The following GRIK2 variants were observed in gnomAD, a reference collection of about 807,000 sequenced individuals.
GRIK2 encodes glutamate ionotropic receptor kainate type subunit 2, also known as glutamate receptor ionotropic, kainate 2.
In GRIK2, 32 loss-of-function variants were observed where a neutral mutation model predicts 100.3. The observed-to-expected ratio is 0.32, with a 90% CI of 0.24 to 0.43. The LOEUF (loss-of-function observed/expected upper bound fraction) is 0.43. GRIK2 is among the 20% of genes least tolerant of loss of function. GRIK2 has a pLI of 1.00. For missense variants in GRIK2, 843 were observed against 1,114.9 expected (o/e 0.76, Z 3.47); for synonymous variants, 417 against 389.4 (o/e 1.07, Z -0.83).
At chr6:101,920,498 TG>T (rs1467284360) in intron 12 of GRIK2, among the ~76,000 whole-genome samples, 1 of 151,892 alleles carries the variant, frequency 6.6e-6, no homozygotes, top group Non-Finnish European at 1.5e-5. Context: ...CAGTTTTAGC[TG>T]GGCATCAATG....
chr6:101,592,076 C>T (rs1778671737), intron 2 of GRIK2, among the ~76,000 whole-genome samples: 2 of 151,948 alleles, frequency 1.3e-5, no homozygotes, highest in South Asian at 4.1e-4. Context: ...TTCCTACTCC[C>T]TCTTTGCCTT....
intron 2 of GRIK2, among the ~76,000 whole-genome samples, chr6:101,505,501 G>T (rs1039893719): frequency 7.9e-5 from 12 of 151,992 alleles, no homozygotes; most frequent in Non-Finnish European, 1.6e-4. Context: ...AAATATGATT[G>T]GTCCTATTAT....
At chr6:101,927,798 A>T (rs1030699015) in intron 13 of GRIK2, 4 of 152,216 alleles carry the variant, frequency 2.6e-5, no homozygotes, top group African/African-American at 7.2e-5. Flanking sequence ...TGCTAACCAT[A>T]GTGATGGGAG....
At chr6:101,731,564 C>G (rs1775271641) in intron 7 of GRIK2, among the ~76,000 whole-genome samples, 1 of 151,810 alleles carries the variant, frequency 6.6e-6, no homozygotes, top group South Asian at 2.1e-4. Context: ...ATATAAGGCA[C>G]AGAATAGATA....
At chr6:101,626,664 C>G (rs1310669763) in intron 4 of GRIK2, 27 bp downstream of exon 4, 2 of 1,591,820 alleles carry the variant, frequency 1.3e-6, no homozygotes, top group African/African-American at 1.3e-5. Context: ...TCTTTTGGAG[C>G]TATGCTTTAA....
intron 2 of GRIK2, among the ~76,000 whole-genome samples, chr6:101,591,576 A>G (rs554681243): frequency 2.0e-5 from 3 of 152,068 alleles, no homozygotes; most frequent in South Asian, 4.1e-4. Context: ...TATTTAAAAA[A>G]TGTTTTAAGA....
At chr6:102,063,542 G>A (rs1771859023) in intron 16 of GRIK2, among the ~76,000 whole-genome samples, 1 of 150,564 alleles carries the variant, frequency 6.6e-6, no homozygotes, top group Non-Finnish European at 1.5e-5. Context: ...TATCAATGTG[G>A]AGCATGATTT....
chr6:101,478,974 A>G (rs1333941032), intron 2 of GRIK2, among the ~76,000 whole-genome samples: 1 of 152,152 alleles, frequency 6.6e-6, no homozygotes. Flanking sequence ...TGCTGATGGT[A>G]GCTACAAAAC....
At position 101,739,912 on chromosome 6, in the gene GRIK2, A is replaced by AT. The variant is rs111459963; in HGVS notation, c.951+53569dup. 7.4e-3 allele frequency among the ~76,000 whole-genome samples: 1,109 copies of AT among 150,294 alleles called. 17 individuals carry two copies. Among genetic ancestry groups the AT allele is most frequent in the African/African-American group, 0.024 (967 of 40,990 alleles). On this transcript the variant is annotated intron_variant, in intron 7 of 16. Coordinates refer to ENST00000369134, the MANE Select transcript of GRIK2 (RefSeq NM_021956.5). ...TTAAATCTGTGGTTTTGGAGCAGGGATTTTTTTTTTCATGATCATCCCCCA... is the reference window on the plus strand; with the variant it reads ...TTAAATCTGTGGTTTTGGAGCAGGGATTTTTTTTTTTCATGATCATCCCCCA...
chr6:102,034,773 A>C (rs1770175065), intron 14 of GRIK2, among the ~76,000 whole-genome samples: 1 of 151,398 alleles, frequency 6.6e-6, no homozygotes, highest in South Asian at 2.1e-4. Flanking sequence ...GGAAATGTAG[A>C]CATCTTTATT....
At chr6:101,396,460 G>A (rs746019833) in intron 1 of GRIK2, among the ~76,000 whole-genome samples, 2 of 151,966 alleles carry the variant, frequency 1.3e-5, no homozygotes, top group Non-Finnish European at 2.9e-5. Flanking sequence ...CAATCAAGTA[G>A]TTTAGTGTTC....
At chr6:101,914,041 A>G (rs1050443202) in intron 12 of GRIK2, among the ~76,000 whole-genome samples, 3 of 151,546 alleles carry the variant, frequency 2.0e-5, no homozygotes, top group South Asian at 2.1e-4. Flanking sequence ...TAGGTGAGAG[A>G]ATCAAAAGAT....
chr6:101,401,219 A>G (rs991597679), intron 2 of GRIK2, among the ~76,000 whole-genome samples: 5 of 152,184 alleles, frequency 3.3e-5, no homozygotes, highest in African/African-American at 1.2e-4. Context: ...ACTGCCACCA[A>G]TACTCTAAGG....
intron 12 of GRIK2, among the ~76,000 whole-genome samples, chr6:101,894,039 G>A (rs946844335): frequency 1.6e-4 from 24 of 151,520 alleles, no homozygotes; most frequent in Admixed American, 1.2e-3. Context: ...AGATTGTTAT[G>A]TTGTCATTAG....
chr6:101,660,839 C>A (rs1364157189), intron 4 of GRIK2, among the ~76,000 whole-genome samples: 1 of 152,090 alleles, frequency 6.6e-6, no homozygotes, highest in East Asian at 1.9e-4. Context: ...CCAGTTCATT[C>A]CTCTGGAAGC....
chr6:101,909,222 A>G lies in GRIK2; in HGVS notation c.1749-15379A>G, dbSNP rs140914931. ...ATATTTGGACAGATTTTACTGAAGT[A>G]CACCAAATAAGAAAAAAATATATAA... On this transcript the variant is annotated intron_variant, in intron 12 of 16. Transcript: ENST00000369134. Among the ~76,000 whole-genome samples, 20 of 151,126 alleles carry G rather than the reference A, an allele frequency of 1.3e-4. No homozygotes were observed. In the East Asian group the frequency reaches 3.9e-3, roughly 29 times the overall value.
intron 7 of GRIK2, among the ~76,000 whole-genome samples, chr6:101,717,902 A>C (rs1178878317): frequency 1.3e-5 from 2 of 151,918 alleles, no homozygotes; most frequent in South Asian, 4.1e-4. Flanking sequence ...ATTAAATTAT[A>C]CTACCCAGGT....
At chr6:101,994,528 A>T (rs572140820) in intron 14 of GRIK2, among the ~76,000 whole-genome samples, 3 of 151,970 alleles carry the variant, frequency 2.0e-5, no homozygotes, top group Admixed American at 1.3e-4. Flanking sequence ...TTATTAAATT[A>T]TGTGATTTTT....
At chr6:101,829,369 A>C (rs775825918) in intron 10 of GRIK2, among the ~76,000 whole-genome samples, 26 of 152,004 alleles carry the variant, frequency 1.7e-4, no homozygotes, top group Non-Finnish European at 2.8e-4. Flanking sequence ...AGTTCTATTC[A>C]ACATTTTACT....
Sources: allele counts gnomAD v4.1 joint callset (sites outside exome capture counted in the v4.1 genomes callset), GRCh38; gene constraint gnomAD v4.1.1; transcripts MANE v1.5; gene names NCBI Gene and HGNC (gene_info 2026-07-23, HGNC 2026-07-21).